The following SUGCT variants were observed in gnomAD, a reference collection of about 807,000 sequenced individuals.
SUGCT encodes succinyl-CoA:glutarate CoA-transferase.
A neutral mutation model predicts 55.0 loss-of-function variants in SUGCT; 41 were observed. The observed-to-expected ratio is 0.74, with a 90% CI of 0.58 to 0.97. SUGCT has a LOEUF of 0.97. Among genes scored for constraint, SUGCT ranks in the 50% least tolerant of loss-of-function variants. The pLI is 0.00. For missense variants in SUGCT, 568 were observed against 547.8 expected, an observed-to-expected ratio of 1.04 and a Z score of -0.37; for synonymous variants, 187 against 200.4, an observed-to-expected ratio of 0.93 and a Z score of 0.56.
At chr7:40,934,789 C>G in the SUGCT span, among the ~76,000 whole-genome samples, 1 of 152,156 alleles carries the variant, frequency 6.6e-6, no homozygotes, top group African/African-American at 2.4e-5. Context: ...TTGCTAAGGT[C>G]GTGGGAAAAA....
intron 1 of SUGCT, among the ~76,000 whole-genome samples, chr7:40,142,887 G>A (rs1317475274): frequency 6.6e-6 from 1 of 152,196 alleles, no homozygotes; most frequent in African/African-American, 2.4e-5. Flanking sequence ...CTCTAGTATA[G>A]TTAATAAATT....
chr7:40,659,097 G>A (rs995432893), intron 12 of SUGCT, among the ~76,000 whole-genome samples: 1 of 152,144 alleles, frequency 6.6e-6, no homozygotes, highest in Non-Finnish European at 1.5e-5. Flanking sequence ...TTCTGGGAAT[G>A]GATTAGGCAG....
chr7:40,726,374 G>A (rs1287439273), intron 12 of SUGCT, among the ~76,000 whole-genome samples: 6 of 152,108 alleles, frequency 3.9e-5, no homozygotes, highest in Non-Finnish European at 7.4e-5. Flanking sequence ...TCATTAAGTA[G>A]AAGTGGATTA....
chr7:40,662,643 C>T (rs574650267), intron 12 of SUGCT, among the ~76,000 whole-genome samples: 1 of 152,306 alleles, frequency 6.6e-6, no homozygotes, highest in Admixed American at 6.5e-5. Flanking sequence ...GTGTGGCATT[C>T]TCCTCCTCTT....
intron 9 of SUGCT, among the ~76,000 whole-genome samples, chr7:40,436,244 T>G (rs1176191278): frequency 6.6e-6 from 1 of 151,916 alleles, no homozygotes; most frequent in Non-Finnish European, 1.5e-5. Context: ...TACCTGGCCA[T>G]GACTGCTTCC....
At chr7:40,220,915 T>A (rs765373166) in intron 6 of SUGCT, among the ~76,000 whole-genome samples, 35 of 152,302 alleles carry the variant, frequency 2.3e-4, no homozygotes, top group South Asian at 6.2e-4. Context: ...GTTAAGTTAA[T>A]TGGTATGAAG....
chr7:40,767,442 AC>A (rs1437136862), intron 13 of SUGCT, among the ~76,000 whole-genome samples: 7 of 152,214 alleles, frequency 4.6e-5, no homozygotes, highest in African/African-American at 1.7e-4. Flanking sequence ...CTCTCATGGG[AC>A]CCAGATCTGA....
chr7:40,360,140 A>C (rs984528798), intron 9 of SUGCT, among the ~76,000 whole-genome samples: 7 of 152,070 alleles, frequency 4.6e-5, no homozygotes, highest in Admixed American at 4.6e-4. Flanking sequence ...CAGCCTCCCA[A>C]GTAGCTGGGA....
chr7:40,413,237 C>T (rs751860979), intron 9 of SUGCT, among the ~76,000 whole-genome samples: 1 of 152,120 alleles, frequency 6.6e-6, no homozygotes, highest in Admixed American at 6.6e-5. Context: ...GGTTGGTTTA[C>T]TCTCTGTACA....
intron 7 of SUGCT, among the ~76,000 whole-genome samples, chr7:40,263,054 C>T (rs1013050090): frequency 3.3e-5 from 5 of 152,186 alleles, no homozygotes; most frequent in African/African-American, 1.2e-4. Flanking sequence ...TCCCCAGTAG[C>T]TGAGATCACA....
chr7:40,322,610 C>G (rs185251441), intron 9 of SUGCT, among the ~76,000 whole-genome samples: 2 of 152,122 alleles, frequency 1.3e-5, no homozygotes, highest in African/African-American at 2.4e-5. Flanking sequence ...GCCCTCATGA[C>G]AGGGTAAATT....
rs191415696 is a variant in SUGCT at position 40,207,376 on chromosome 7, G to A, written c.484+12316G>A. 1.1e-4 allele frequency among the ~76,000 whole-genome samples: 16 copies of A among 152,028 alleles called. No individual in the cohort carries two copies. In the South Asian group the frequency reaches 2.7e-3, roughly 26 times the overall value. ...ACCACAACGAGATACCTACCATCTCGCCCCCATTAAGATGGATACTATCAA... is the reference window on the plus strand; with the variant it reads ...ACCACAACGAGATACCTACCATCTCACCCCCATTAAGATGGATACTATCAA... On this transcript the variant is annotated intron_variant, in intron 6 of 13. Coordinates refer to ENST00000335693, the MANE Select transcript of SUGCT (RefSeq NM_001193313.2).
At chr7:40,748,840 TG>T (rs1247285805) in intron 12 of SUGCT, among the ~76,000 whole-genome samples, 2 of 152,140 alleles carry the variant, frequency 1.3e-5, no homozygotes, top group African/African-American at 4.8e-5. Flanking sequence ...TCAGCTTCCC[TG>T]TGCTTGCTTC....
intron 13 of SUGCT, among the ~76,000 whole-genome samples, chr7:40,788,400 G>A (rs1183769439): frequency 1.3e-5 from 2 of 152,286 alleles, no homozygotes; most frequent in South Asian, 2.1e-4. Flanking sequence ...GGATGCCAAC[G>A]ATGAGACTGC....
intron 12 of SUGCT, among the ~76,000 whole-genome samples, chr7:40,575,376 A>G (rs1796684087): frequency 6.6e-6 from 1 of 152,212 alleles, no homozygotes. Flanking sequence ...ACCGAAAGAT[A>G]GTTCCTAATT....
At chr7:40,737,760 G>T (rs547700191) in intron 12 of SUGCT, among the ~76,000 whole-genome samples, 1 of 151,898 alleles carries the variant, frequency 6.6e-6, no homozygotes, top group Non-Finnish European at 1.5e-5. Context: ...AAAAAATTTC[G>T]TCTTGATATA....
chr7:40,918,368 G>A, the SUGCT span, among the ~76,000 whole-genome samples: 1 of 151,118 alleles, frequency 6.6e-6, no homozygotes, highest in Admixed American at 6.6e-5. Context: ...GGCTGAGGTA[G>A]GAGAATCACT....
At chr7:40,561,226 T>G (rs1199942229) in intron 12 of SUGCT, among the ~76,000 whole-genome samples, 1 of 152,226 alleles carries the variant, frequency 6.6e-6, no homozygotes, top group South Asian at 2.1e-4. Context: ...GTGTAGTAGA[T>G]AGACTTTACC....
At chr7:40,722,431 G>A (rs187247639) in intron 12 of SUGCT, among the ~76,000 whole-genome samples, 3 of 152,248 alleles carry the variant, frequency 2.0e-5, no homozygotes, top group Admixed American at 1.3e-4. Context: ...ATGCTGTGAC[G>A]ATATAGTTCA....
Sources: allele counts gnomAD v4.1 joint callset (sites outside exome capture counted in the v4.1 genomes callset), GRCh38; gene constraint gnomAD v4.1.1; transcripts MANE v1.5; gene names NCBI Gene and HGNC (gene_info 2026-07-23, HGNC 2026-07-21).